The following ENOX2 variants were observed in gnomAD, a reference collection of about 807,000 sequenced individuals.
The protein encoded by ENOX2 is ecto-NOX disulfide-thiol exchanger 2, also known as APK1 antigen.
In ENOX2, 36 loss-of-function variants were observed where a neutral mutation model predicts 45.0. That is an observed-to-expected ratio of 0.80 (90% confidence interval 0.61 to 1.06). The LOEUF is 1.06. Among genes scored for constraint, ENOX2 ranks in the 50% least tolerant of loss-of-function variants. The pLI is 0.00. For missense variants in ENOX2, 423 were observed against 462.5 expected (o/e 0.91, Z 0.78); for synonymous variants, 174 against 152.3 (o/e 1.14, Z -1.05).
At chrX:130,631,748 C>CAA (rs1483477741) in intron 12 of ENOX2, among the ~76,000 whole-genome samples, 172 bp from the exon 13 acceptor site, 1 of 110,358 alleles carries the variant, frequency 9.1e-6, no homozygotes, top group Non-Finnish European at 1.9e-5. Flanking sequence ...ACAGATATTC[C>CAA]AAAGTTTATT....
intron 10 of ENOX2, among the ~76,000 whole-genome samples, chrX:130,654,898 G>A (rs2036506643): frequency 8.9e-6 from 1 of 111,929 alleles, no homozygotes; most frequent in African/African-American, 3.2e-5. Flanking sequence ...ACTCTAGTAA[G>A]TGCATTCAAT....
At chrX:130,813,039 A>G (rs1047271897) in intron 2 of ENOX2, among the ~76,000 whole-genome samples, 1 of 112,346 alleles carries the variant, frequency 8.9e-6, no homozygotes, top group Non-Finnish European at 1.9e-5. Flanking sequence ...GGAGTATTTC[A>G]GATTTCAGAT....
At chrX:130,694,141 A>C (rs2037688569) in intron 4 of ENOX2, among the ~76,000 whole-genome samples, 1 of 112,130 alleles carries the variant, frequency 8.9e-6, no homozygotes, top group African/African-American at 3.2e-5. Context: ...AAATATAATA[A>C]AATGATTGTG....
chrX:130,824,931 TACA>T (rs1163008086), intron 2 of ENOX2, among the ~76,000 whole-genome samples: 1 of 111,294 alleles, frequency 9.0e-6, no homozygotes, highest in Non-Finnish European at 1.9e-5. Flanking sequence ...TATAAAGTGG[TACA>T]ACAACTTTGG....
chrX:130,825,395 G>A (rs1400045987), intron 2 of ENOX2, among the ~76,000 whole-genome samples: 1 of 111,357 alleles, frequency 9.0e-6, no homozygotes, highest in Non-Finnish European at 1.9e-5. Flanking sequence ...GGGTATGAAG[G>A]GAGGGAAATT....
rs2036863137 is a variant in ENOX2 at position 130,667,465 on chromosome X, T to C, written c.907+65A>G. On this transcript the variant is annotated intron_variant, in intron 8 of 14. Transcript: ENST00000394363. ...ATGGCTCTGGAGGCCTGAGCTCCCA[T>C]AGAGAGCAAGTGACTAAGTGAAGTG... 6.8e-6 allele frequency: 7 copies of C among 1,032,875 alleles called. No individual in the cohort carries two copies. The South Asian group carries it at 1.2e-4, about 17-fold the overall frequency. The allele number at this position is 1,032,875 out of a possible 1,213,427, so 85.1% of individuals were successfully genotyped here.
intron 3 of ENOX2, among the ~76,000 whole-genome samples, chrX:130,777,173 T>C (rs972321458): frequency 1.8e-5 from 2 of 111,477 alleles, no homozygotes; most frequent in African/African-American, 6.5e-5. Context: ...GATAAATCCC[T>C]TCTCTGGGTC....
At chrX:130,743,473 ATTTT>A (rs144700742) in intron 3 of ENOX2, among the ~76,000 whole-genome samples, 1 of 97,802 alleles carries the variant, frequency 1.0e-5, no homozygotes, top group Non-Finnish European at 2.1e-5. Context: ...CCTATGAGGG[ATTTT>A]TTTTTTTTTT....
chrX:130,710,835 T>C (rs1377116632), intron 3 of ENOX2, among the ~76,000 whole-genome samples: 1 of 112,016 alleles, frequency 8.9e-6, no homozygotes, highest in East Asian at 2.8e-4. Context: ...GTTACTTCTA[T>C]GCTTCACATC....
chrX:130,712,442 T>C (rs2038218004), intron 3 of ENOX2, among the ~76,000 whole-genome samples: 2 of 111,733 alleles, frequency 1.8e-5, no homozygotes, highest in South Asian at 7.6e-4. Context: ...ATAAGATCTC[T>C]GGTATTGGGC....
At chrX:130,800,852 A>C (rs1165498586) in intron 2 of ENOX2, among the ~76,000 whole-genome samples, 1 of 112,486 alleles carries the variant, frequency 8.9e-6, no homozygotes, top group Non-Finnish European at 1.9e-5. Flanking sequence ...GTGCTTGTCA[A>C]ATGCTATGAG....
At chrX:130,778,073 C>T (rs2301394) in intron 3 of ENOX2, among the ~76,000 whole-genome samples, 5 of 111,536 alleles carry the variant, frequency 4.5e-5, no homozygotes, top group Non-Finnish European at 9.4e-5. Context: ...AAACAATCAA[C>T]GCTTTCATCT....
At chrX:130,831,562 GCT>G (rs2077829027) in intron 2 of ENOX2, among the ~76,000 whole-genome samples, 1 of 110,983 alleles carries the variant, frequency 9.0e-6, no homozygotes, top group African/African-American at 3.3e-5. Flanking sequence ...AGAGACCTGT[GCT>G]TGCTGTTCCT....
At chrX:130,711,608 A>C (rs2148244897) in intron 3 of ENOX2, among the ~76,000 whole-genome samples, 1 of 111,388 alleles carries the variant, frequency 9.0e-6, no homozygotes, top group African/African-American at 3.3e-5. Context: ...TGGCCTATAT[A>C]TATAGTAGGT....
intron 2 of ENOX2, among the ~76,000 whole-genome samples, chrX:130,823,462 G>A (rs1433748722): frequency 2.7e-5 from 3 of 111,356 alleles, no homozygotes; most frequent in Non-Finnish European, 5.7e-5. Context: ...GAGGCAGCAT[G>A]CAAAAGACAG....
intron 6 of ENOX2, among the ~76,000 whole-genome samples, chrX:130,670,809 A>G (rs1157507286): frequency 3.6e-5 from 4 of 109,812 alleles, no homozygotes; most frequent in African/African-American, 1.3e-4. Flanking sequence ...ATGTAGTGTG[A>G]TTATAATATA....
At chrX:130,822,327 T>C (rs1346004351) in intron 2 of ENOX2, among the ~76,000 whole-genome samples, 1 of 112,236 alleles carries the variant, frequency 8.9e-6, no homozygotes, top group African/African-American at 3.2e-5. Context: ...ATAGAAATAC[T>C]ACTTCAAATT....
chrX:130,674,601 C>T (rs770030366), intron 6 of ENOX2, among the ~76,000 whole-genome samples: 7 of 111,664 alleles, frequency 6.3e-5, no homozygotes, highest in African/African-American at 2.3e-4. Context: ...TGCTCAAAAC[C>T]AGCAATAAAT....
chrX:130,724,373 T>C (rs1195791079), intron 3 of ENOX2, among the ~76,000 whole-genome samples: 1 of 112,630 alleles, frequency 8.9e-6, no homozygotes, highest in Non-Finnish European at 1.9e-5. Flanking sequence ...ACCTTAGTAC[T>C]GGAGCAGAGC....
Sources: allele counts gnomAD v4.1 joint callset (sites outside exome capture counted in the v4.1 genomes callset), GRCh38; gene constraint gnomAD v4.1.1; transcripts MANE v1.5; gene names NCBI Gene and HGNC (gene_info 2026-07-23, HGNC 2026-07-21).